SUPT3H: variants seen among roughly 807,000 people sequenced by gnomAD.
SUPT3H encodes the protein SPT3 homolog, SAGA and STAGA complex component, also known as transcription initiation protein SPT3 homolog.
Under a neutral mutation model 44.3 loss-of-function variants are expected in SUPT3H, and 44 were observed. The observed-to-expected ratio is 0.99, with a 90% CI of 0.78 to 1.28. The LOEUF is 1.28. Among genes scored for constraint, SUPT3H ranks in the 50% most tolerant of loss-of-function variants. SUPT3H has a pLI of 0.00. For missense variants in SUPT3H, 380 were observed against 387.1 expected, an observed-to-expected ratio of 0.98 and a Z score of 0.15; for synonymous variants, 124 against 125.6, an observed-to-expected ratio of 0.99 and a Z score of 0.09.
chr6:45,365,356 C>CAAAAA, intron 1 of SUPT3H, 55 bp from the exon 2 acceptor site: 1 of 955,102 alleles, frequency 1.0e-6, no homozygotes, highest in Non-Finnish European at 1.5e-6. Flanking sequence ...TAAGTAAATG[C>CAAAAA]AAAAAAAAAA....
At chr6:44,973,811 T>A (rs1264370844) in intron 6 of SUPT3H, among the ~76,000 whole-genome samples, 1 of 152,132 alleles carries the variant, frequency 6.6e-6, no homozygotes, top group Non-Finnish European at 1.5e-5. Flanking sequence ...CTTCTTCACA[T>A]GGTGGCAGCA....
At chr6:44,812,303 A>G (rs1424406449) in intron 11 of SUPT3H, among the ~76,000 whole-genome samples, 2 of 152,186 alleles carry the variant, frequency 1.3e-5, no homozygotes, top group Non-Finnish European at 2.9e-5. Context: ...TTTCTTCAGT[A>G]CCAAGGTCTC....
At chr6:44,934,712 C>A (rs1771140358) in intron 9 of SUPT3H, among the ~76,000 whole-genome samples, 1 of 152,194 alleles carries the variant, frequency 6.6e-6, no homozygotes, top group South Asian at 2.1e-4. Flanking sequence ...CAGATGACTG[C>A]CTATGAACCA....
At chr6:45,350,686 T>A (rs1164135957) in intron 2 of SUPT3H, among the ~76,000 whole-genome samples, 1 of 152,206 alleles carries the variant, frequency 6.6e-6, no homozygotes, top group Non-Finnish European at 1.5e-5. Context: ...CATATTACTA[T>A]GCCTTTTAAA....
chr6:44,942,324 C>G (rs1275004723), intron 9 of SUPT3H, among the ~76,000 whole-genome samples: 1 of 151,922 alleles, frequency 6.6e-6, no homozygotes, highest in Non-Finnish European at 1.5e-5. Flanking sequence ...TATGAAAGCA[C>G]TGTAGACTGA....
chr6:44,950,573 G>C (rs932969400), intron 9 of SUPT3H, among the ~76,000 whole-genome samples: 1 of 152,090 alleles, frequency 6.6e-6, no homozygotes, highest in African/African-American at 2.4e-5. Context: ...GATCATGCCT[G>C]TGAATAGCCA....
intron 2 of SUPT3H, among the ~76,000 whole-genome samples, chr6:45,278,771 T>C (rs1271615486): frequency 6.6e-6 from 1 of 152,148 alleles, no homozygotes; most frequent in Non-Finnish European, 1.5e-5. Flanking sequence ...CAATACAGAT[T>C]ATAGAAAATG....
intron 2 of SUPT3H, among the ~76,000 whole-genome samples, chr6:45,208,566 A>T (rs1763567878): frequency 6.6e-6 from 1 of 152,090 alleles, no homozygotes; most frequent in African/African-American, 2.4e-5. Flanking sequence ...CCTACTAAAG[A>T]TACAAAAATT....
intron 10 of SUPT3H, among the ~76,000 whole-genome samples, chr6:44,891,640 T>C (rs944888143): frequency 1.3e-5 from 2 of 152,036 alleles, no homozygotes; most frequent in African/African-American, 4.8e-5. Context: ...GTACAGAGTT[T>C]CTGTTTGGGA....
intron 10 of SUPT3H, among the ~76,000 whole-genome samples, chr6:44,831,489 C>A (rs1237674253): frequency 6.6e-6 from 1 of 152,210 alleles, no homozygotes; most frequent in African/African-American, 2.4e-5. Flanking sequence ...GAGCCTCAGT[C>A]TGTGAAACAA....
intron 2 of SUPT3H, among the ~76,000 whole-genome samples, chr6:45,140,809 C>T (rs1289922866): frequency 2.0e-5 from 3 of 152,184 alleles, no homozygotes; most frequent in Admixed American, 6.6e-5. Context: ...CAGTAACAGT[C>T]GCTACAGTCT....
chr6:45,176,776 C>T (rs532701678), intron 2 of SUPT3H, among the ~76,000 whole-genome samples: 5 of 152,320 alleles, frequency 3.3e-5, no homozygotes, highest in Admixed American at 1.3e-4. Context: ...CCCTGACCCC[C>T]GAGCAGCCTA....
chr6:45,097,371 C>T (rs531432945), intron 3 of SUPT3H: 2 of 152,204 alleles, frequency 1.3e-5, no homozygotes, highest in African/African-American at 2.4e-5. Flanking sequence ...GAGAGAAGTC[C>T]GTGCCCTGAA....
chr6:45,231,884 G>C (rs749803879), intron 2 of SUPT3H, among the ~76,000 whole-genome samples: 1 of 151,960 alleles, frequency 6.6e-6, no homozygotes, highest in East Asian at 1.9e-4. Context: ...TGAAGCTTTC[G>C]AGTGTATTTT....
intron 10 of SUPT3H, among the ~76,000 whole-genome samples, chr6:44,904,466 C>T (rs1029751100): frequency 9.9e-5 from 15 of 152,022 alleles, no homozygotes; most frequent in Non-Finnish European, 1.3e-4. Context: ...TTACAAGGGA[C>T]ATGAAGGACC....
At chr6:45,090,398 G>A (rs2153562661) in intron 3 of SUPT3H, among the ~76,000 whole-genome samples, 1 of 152,010 alleles carries the variant, frequency 6.6e-6, no homozygotes, top group African/African-American at 2.4e-5. Context: ...TTCCTGACTA[G>A]CATAAAAAGA....
intron 2 of SUPT3H, among the ~76,000 whole-genome samples, chr6:45,252,176 T>C (rs1002422988): frequency 5.9e-5 from 9 of 152,156 alleles, no homozygotes; most frequent in African/African-American, 1.9e-4. Flanking sequence ...TTAGCTCTCA[T>C]CAACAACAAA....
chr6:45,324,203 G>A (rs1785987419), intron 2 of SUPT3H, among the ~76,000 whole-genome samples: 1 of 150,006 alleles, frequency 6.7e-6, no homozygotes, highest in Admixed American at 6.7e-5. Flanking sequence ...CATTAAACAA[G>A]TATGGATCAC....
intron 2 of SUPT3H, among the ~76,000 whole-genome samples, chr6:45,209,900 C>T (rs1584269341): frequency 2.0e-5 from 3 of 152,060 alleles, no homozygotes; most frequent in African/African-American, 7.2e-5. Flanking sequence ...CAGCAGCTGT[C>T]AACATCAAGG....
Sources: allele counts gnomAD v4.1 joint callset (sites outside exome capture counted in the v4.1 genomes callset), GRCh38; gene constraint gnomAD v4.1.1; transcripts MANE v1.5; gene names NCBI Gene and HGNC (gene_info 2026-07-23, HGNC 2026-07-21).